PTPRD: variants seen among roughly 807,000 people sequenced by gnomAD.
PTPRD encodes receptor-type tyrosine-protein phosphatase delta.
Under a neutral mutation model 214.5 loss-of-function variants are expected in PTPRD, and 34 were observed. The ratio of observed to expected loss-of-function variants is 0.16; its 90% CI spans 0.12 to 0.21. The LOEUF (loss-of-function observed/expected upper bound fraction) is 0.21. Among genes scored for constraint, PTPRD ranks in the 10% least tolerant of loss-of-function variants. PTPRD has a pLI of 1.00. For missense variants in PTPRD, 2,545 were observed against 2,398.7 expected (o/e 1.06, Z -1.27); for synonymous variants, 1,128 against 845.7 (o/e 1.33, Z -5.79).
chr9:10,292,107 T>C (rs1209390482), intron 3 of PTPRD, among the ~76,000 whole-genome samples: 1 of 152,090 alleles, frequency 6.6e-6, no homozygotes, highest in African/African-American at 2.4e-5. Context: ...AGGAAAAATG[T>C]AAATCATTCA....
intron 5 of PTPRD, among the ~76,000 whole-genome samples, chr9:9,892,414 G>C (rs1393076231): frequency 6.6e-6 from 1 of 152,064 alleles, no homozygotes; most frequent in Admixed American, 6.6e-5. Flanking sequence ...GTGCACACTT[G>C]CTCTGCTCAG....
At chr9:9,006,597 T>C (rs2099469539) in intron 11 of PTPRD, among the ~76,000 whole-genome samples, 2 of 152,068 alleles carry the variant, frequency 1.3e-5, no homozygotes, top group African/African-American at 4.8e-5. Flanking sequence ...AACCTACCTG[T>C]TATTTTTACT....
chr9:9,217,376 T>G (rs916295244), intron 9 of PTPRD, among the ~76,000 whole-genome samples: 1 of 152,176 alleles, frequency 6.6e-6, no homozygotes. Flanking sequence ...ATTCAATATT[T>G]CCCAGAGTTG....
At chr9:8,948,409 ATATATATAT>A (rs2099079030) in intron 11 of PTPRD, among the ~76,000 whole-genome samples, 1 of 65,280 alleles carries the variant, frequency 1.5e-5, no homozygotes, top group African/African-American at 5.9e-5. Context: ...GGTTTAAAAT[ATATATATAT>A]ATATATTTAT....
chr9:8,971,319 G>C (rs2099236833), intron 11 of PTPRD, among the ~76,000 whole-genome samples: 2 of 151,542 alleles, frequency 1.3e-5, no homozygotes, highest in Admixed American at 1.3e-4. Flanking sequence ...ATCCACAATT[G>C]AGAAAAATGA....
intron 2 of PTPRD, among the ~76,000 whole-genome samples, chr9:10,401,032 G>A (rs1440453724): frequency 6.6e-6 from 1 of 151,432 alleles, no homozygotes; most frequent in Non-Finnish European, 1.5e-5. Context: ...TTTATTGCCT[G>A]TTCTCATAGG....
intron 3 of PTPRD, among the ~76,000 whole-genome samples, chr9:10,164,789 T>C (rs1351092198): frequency 4.0e-5 from 6 of 151,472 alleles, no homozygotes; most frequent in Non-Finnish European, 7.4e-5. Context: ...AAGCTGACTC[T>C]AGATTATTCC....
At chr9:10,344,710 G>T (rs1306684610) in intron 2 of PTPRD, among the ~76,000 whole-genome samples, 1 of 152,042 alleles carries the variant, frequency 6.6e-6, no homozygotes, top group Non-Finnish European at 1.5e-5. Flanking sequence ...ATTTCATTGA[G>T]CAGTGGTTTG....
At chr9:8,856,688 T>C (rs2097921552) in intron 11 of PTPRD, among the ~76,000 whole-genome samples, 2 of 152,200 alleles carry the variant, frequency 1.3e-5, no homozygotes, top group South Asian at 2.1e-4. Flanking sequence ...AGTAGCGTAC[T>C]GGGAGGCGAA....
chr9:9,625,530 T>A (rs1362350069), intron 7 of PTPRD, among the ~76,000 whole-genome samples: 1 of 151,498 alleles, frequency 6.6e-6, no homozygotes, highest in African/African-American at 2.4e-5. Context: ...TGAGGTGATT[T>A]CCTGACCAAA....
intron 11 of PTPRD, among the ~76,000 whole-genome samples, chr9:8,914,645 AATGT>A: frequency 6.6e-6 from 1 of 152,268 alleles, no homozygotes; most frequent in African/African-American, 2.4e-5. Flanking sequence ...GAGGGCTGAC[AATGT>A]AACTAGGAGT....
At chr9:8,537,978 A>T (rs1176910891) in intron 14 of PTPRD, among the ~76,000 whole-genome samples, 1 of 152,020 alleles carries the variant, frequency 6.6e-6, no homozygotes, top group Admixed American at 6.6e-5. Flanking sequence ...TTCATAATCA[A>T]ATAAACGCAT....
chr9:9,797,106 TA>T (rs141214159), intron 5 of PTPRD, among the ~76,000 whole-genome samples: 3,494 of 151,938 alleles, frequency 0.023, 122 homozygotes, highest in African/African-American at 0.08. Flanking sequence ...GGGGAAGGAA[TA>T]AAAAACACAT....
At chr9:8,830,243 T>C (rs2097261360) in intron 11 of PTPRD, among the ~76,000 whole-genome samples, 2 of 152,160 alleles carry the variant, frequency 1.3e-5, no homozygotes, top group African/African-American at 4.8e-5. Context: ...ACTCAAGCAC[T>C]TGGGTTCCAC....
intron 8 of PTPRD, among the ~76,000 whole-genome samples, chr9:9,444,902 C>G (rs2089822057): frequency 6.6e-6 from 1 of 152,282 alleles, no homozygotes; most frequent in Middle Eastern, 3.4e-3. Flanking sequence ...ATTGACCCTA[C>G]TTTCTGACCT....
At chr9:8,477,036 T>C (rs1047499315) in intron 30 of PTPRD, among the ~76,000 whole-genome samples, 3 of 152,070 alleles carry the variant, frequency 2.0e-5, no homozygotes, top group Admixed American at 6.5e-5. Flanking sequence ...ATGATTCATA[T>C]TGGAGGAGTG....
At chr9:9,946,667 G>A (rs1270067946) in intron 4 of PTPRD, among the ~76,000 whole-genome samples, 2 of 152,018 alleles carry the variant, frequency 1.3e-5, no homozygotes, top group Non-Finnish European at 2.9e-5. Context: ...TGGCTTCTGG[G>A]AGAACAGCTT....
intron 10 of PTPRD, among the ~76,000 whole-genome samples, chr9:9,026,101 G>A (rs1323862233): frequency 6.7e-6 from 1 of 149,206 alleles, no homozygotes. Context: ...GCAGCACTGG[G>A]TAATGCTACA....
chr9:8,334,385 C>A (rs570867731), intron 43 of PTPRD, among the ~76,000 whole-genome samples: 147 of 150,616 alleles, frequency 9.8e-4, no homozygotes, highest in South Asian at 3.6e-3. Flanking sequence ...AAAAAAAAAA[C>A]CACTCAAAAC....
Sources: gnomAD v4.1 joint callset for allele counts (sites outside exome capture counted in the v4.1 genomes callset) on GRCh38, gnomAD v4.1.1 for gene constraint, MANE v1.5 for transcripts, NCBI Gene and HGNC (gene_info 2026-07-23, HGNC 2026-07-21) for gene names.